HAO1: variants seen among roughly 807,000 people sequenced by gnomAD.
HAO1 encodes 2-Hydroxyacid oxidase 1.
Under a neutral mutation model 39.7 loss-of-function variants are expected in HAO1, and 34 were observed. The ratio of observed to expected loss-of-function variants is 0.86; its 90% CI spans 0.65 to 1.14. The LOEUF is 1.14. Among genes scored for constraint, HAO1 ranks in the 50% most tolerant of loss-of-function variants. The probability of loss-of-function intolerance (pLI) is 0.00; values close to 1 mark genes in which losing one functional copy is unlikely to be tolerated. For synonymous variants in HAO1, 172 were observed against 173.2 expected, an observed-to-expected ratio of 0.99 and a Z score of 0.05; for missense variants, 479 against 464.5, an observed-to-expected ratio of 1.03 and a Z score of -0.29.
chr20:7,924,564 T>C (rs1221347294), intron 2 of HAO1, among the ~76,000 whole-genome samples: 3 of 151,976 alleles, frequency 2.0e-5, no homozygotes, highest in Non-Finnish European at 4.4e-5. Flanking sequence ...AAATAGAAAA[T>C]ATTAGTTATC....
chr20:7,896,295 A>T (rs2050197395), intron 4 of HAO1, among the ~76,000 whole-genome samples: 1 of 152,194 alleles, frequency 6.6e-6, no homozygotes. Context: ...TTTAACATTC[A>T]AAATGCAATA....
chr20:7,929,745 T>A lies in HAO1; in HGVS notation c.289+4739A>T, dbSNP rs1373407051. Among the ~76,000 whole-genome samples, 3 of 152,148 alleles carry A rather than the reference T, an allele frequency of 2.0e-5. No individual in the cohort carries two copies. In the East Asian group the frequency reaches 5.8e-4, roughly 29 times the overall value. On this transcript the variant is annotated intron_variant, in intron 2 of 7. Transcript: ENST00000378789. ...CAGCCGTCGCGGTGCGTGCCTATAG[T>A]CCTAGCTACCCAGGAGGCTGAGGCA...
chr20:7,938,037 C>A (rs2235244), intron 1 of HAO1, among the ~76,000 whole-genome samples: 33,783 of 151,908 alleles, frequency 0.22, 4,089 homozygotes, highest in East Asian at 0.48. Flanking sequence ...GTTGTACTTG[C>A]GAGATGGGGA....
At position 7,883,531 on chromosome 20, in the gene HAO1, T is replaced by A; in HGVS notation, c.*62A>T. On this transcript the variant is annotated 3_prime_UTR_variant, in exon 8 of 8. Coordinates refer to ENST00000378789, the MANE Select transcript of HAO1 (RefSeq NM_017545.3). Reference sequence around the variant, plus strand: ...GACTGTGGTCACCCTCTGCACAGTGTCTCTTTGTCAAGTAATACATGCTGA... The same window carrying A: ...GACTGTGGTCACCCTCTGCACAGTGACTCTTTGTCAAGTAATACATGCTGA... 1 of 1,216,090 alleles carries A rather than the reference T, an allele frequency of 8.2e-7. No individual in the cohort carries two copies. The highest frequency in any genetic ancestry group is 1.2e-5 in the South Asian group (1 of 83,218). The allele number at this position is 1,216,090 out of a possible 1,614,324, so 75.3% of individuals were successfully genotyped here. A position where few individuals can be genotyped will look rare whatever the true frequency, so the allele number is the denominator to read the frequency against.
intron 2 of HAO1, among the ~76,000 whole-genome samples, chr20:7,923,191 G>A (rs560815445): frequency 4.9e-4 from 75 of 152,216 alleles, no homozygotes; most frequent in African/African-American, 1.8e-3. Flanking sequence ...CTCTGGGGAC[G>A]CTAATCCGGA....
intron 3 of HAO1, 115 bp downstream of exon 3, chr20:7,914,049 T>C (rs1185931253): frequency 8.3e-6 from 9 of 1,090,450 alleles, no homozygotes; most frequent in Non-Finnish European, 1.2e-5. Context: ...AGGGATGTGA[T>C]TAGCTGAAGA....
intron 1 of HAO1, 62 bp downstream of exon 1, chr20:7,940,224 C>G: frequency 7.3e-7 from 1 of 1,367,690 alleles, no homozygotes; most frequent in Non-Finnish European, 1.0e-6. Context: ...ACTAGGAGAT[C>G]TTATTTTGGT....
chr20:7,904,316 C>A (rs1233958588), intron 4 of HAO1, among the ~76,000 whole-genome samples: 1 of 152,160 alleles, frequency 6.6e-6, no homozygotes, highest in East Asian at 1.9e-4. Context: ...AATTTTGCCA[C>A]CTCCATCCAT....
chr20:7,895,182 A>T lies in HAO1; in HGVS notation c.764T>A (p.Ile255Asn). ...REAVKHGLNGILVSNHGARQL... is the reference protein window; with the variant it reads ...REAVKHGLNGNLVSNHGARQL... The stretch of plus-strand genomic sequence containing the variant: ...TCGAGCCCCATGATTCGACACCAAG[A>T]TCCCATTCAAGCCATGTTTAACAGC... Residue 255 changes from isoleucine to asparagine, a missense_variant, in exon 5 of 8, where the codon ATC becomes AAC. Transcript: ENST00000378789. 2.5e-6 allele frequency: 4 copies of T among 1,612,946 alleles called. No individual in the cohort carries two copies. The highest frequency in any genetic ancestry group is 3.4e-6 in the Non-Finnish European group (4 of 1,179,084).
intron 2 of HAO1, among the ~76,000 whole-genome samples, chr20:7,931,730 T>C (rs1037131963): frequency 6.6e-6 from 1 of 152,200 alleles, no homozygotes; most frequent in Non-Finnish European, 1.5e-5. Flanking sequence ...TGTCAAATCA[T>C]AGTTTCTAAG....
intron 5 of HAO1, among the ~76,000 whole-genome samples, chr20:7,892,157 C>T (rs1036753749): frequency 2.6e-5 from 4 of 152,170 alleles, no homozygotes; most frequent in Admixed American, 2.0e-4. Context: ...TGGATCTCGG[C>T]TCACTGCAAC....
intron 5 of HAO1, among the ~76,000 whole-genome samples, chr20:7,889,082 A>G (rs192947113): frequency 1.2e-4 from 19 of 152,310 alleles, no homozygotes; most frequent in Admixed American, 1.2e-3. Context: ...GTAAAATGTA[A>G]TAATGACGAT....
At chr20:7,938,610 T>C (rs2050424689) in intron 1 of HAO1, among the ~76,000 whole-genome samples, 1 of 152,186 alleles carries the variant, frequency 6.6e-6, no homozygotes, top group African/African-American at 2.4e-5. Context: ...TTTCTACATT[T>C]TAAAGGGTTG....
At chr20:7,914,075 G>C in intron 3 of HAO1, 89 bp downstream of exon 3, 2 of 1,384,164 alleles carry the variant, frequency 1.4e-6, no homozygotes, top group Non-Finnish European at 2.0e-6. Flanking sequence ...TAGATGTTTA[G>C]CAACGTTGCT....
At chr20:7,909,377 ATG>A (rs71183079) in intron 3 of HAO1, among the ~76,000 whole-genome samples, 9,277 of 99,574 alleles carry the variant, frequency 0.093, 529 homozygotes, top group African/African-American at 0.17. Context: ...ATATATATAT[ATG>A]TATATATATA....
chr20:7,925,046 AG>A (rs978253083), intron 2 of HAO1, among the ~76,000 whole-genome samples: 8 of 152,158 alleles, frequency 5.3e-5, no homozygotes, highest in African/African-American at 1.9e-4. Flanking sequence ...CTATCTTCAC[AG>A]GGGAACTACC....
At chr20:7,901,649 C>G (rs2050221930) in intron 4 of HAO1, among the ~76,000 whole-genome samples, 1 of 152,206 alleles carries the variant, frequency 6.6e-6, no homozygotes. Context: ...ACACAACCTC[C>G]ACTCCATAGC....
chr20:7,905,826 C>T lies in HAO1; in HGVS notation c.721+328G>A, dbSNP rs377452984. On this transcript the variant is annotated intron_variant, in intron 4 of 7. Transcript: ENST00000378789. ...TTTGGTCTGAGAGCAACTGTTGCAG[C>T]TTTCAGGTAAAGCAATGAACTCATG... Among the ~76,000 whole-genome samples the T allele has an allele frequency of 6.2e-4, 94 of 152,304 alleles. 1 individual carries two copies. The South Asian group carries it at 8.3e-3, about 13-fold the overall frequency.
chr20:7,937,388 AAC>A (rs1479098915), intron 1 of HAO1, among the ~76,000 whole-genome samples: 6 of 152,000 alleles, frequency 3.9e-5, no homozygotes, highest in African/African-American at 1.2e-4. Context: ...ATAAAGCAAA[AAC>A]ACCTTATTCA....
Sources: allele counts gnomAD v4.1 joint callset (sites outside exome capture counted in the v4.1 genomes callset), GRCh38; gene constraint gnomAD v4.1.1; transcripts MANE v1.5; gene names NCBI Gene and HGNC (gene_info 2026-07-23, HGNC 2026-07-21).